Variants in MGMT observed in about 807,000 individuals in gnomAD.
MGMT encodes the protein O-6-methylguanine-DNA methyltransferase.
A neutral mutation model predicts 15.9 loss-of-function variants in MGMT; 14 were observed. The ratio of observed to expected loss-of-function variants is 0.88; its 90% CI spans 0.58 to 1.37. The LOEUF (loss-of-function observed/expected upper bound fraction) is 1.37. Among genes scored for constraint, MGMT ranks in the 40% most tolerant of loss-of-function variants. MGMT has a pLI of 0.00. For synonymous variants in MGMT, 130 were observed against 118.2 expected, an observed-to-expected ratio of 1.10 and a Z score of -0.65; for missense variants, 282 against 268.1, an observed-to-expected ratio of 1.05 and a Z score of -0.36.
At position 129,662,609 on chromosome 10, in the gene MGMT, G is replaced by A. The variant is rs982406160; in HGVS notation, c.126-45286G>A. Among the ~76,000 whole-genome samples, 4 of 152,144 alleles carry A rather than the reference G, an allele frequency of 2.6e-5. 1 individual carries two copies. In the South Asian group the frequency reaches 8.3e-4, roughly 32 times the overall value. ...GGAAGCTGTGTCAGGAACTGTCAGG[G>A]GGCTTAGCTGCTTCTGGAAATGAAA... is the stretch of plus-strand genomic sequence containing the variant. On this transcript the variant is annotated intron_variant, in intron 2 of 4. Coordinates refer to ENST00000651593, the MANE Select transcript of MGMT (RefSeq NM_002412.5).
At chr10:129,726,134 C>T (rs1038118630) in intron 3 of MGMT, among the ~76,000 whole-genome samples, 5 of 151,990 alleles carry the variant, frequency 3.3e-5, no homozygotes, top group South Asian at 2.1e-4. Context: ...TTCCAAGTGG[C>T]GGGGCCTCTG....
In MGMT at chr10:129,532,731, T is replaced by C. The variant is rs1845946019; in HGVS notation, c.-12-3510T>C. Among the ~76,000 whole-genome samples the C allele has an allele frequency of 6.6e-6, 1 of 152,134 alleles. No individual in the cohort carries two copies. Among genetic ancestry groups the C allele is most frequent in the Non-Finnish European group, 1.5e-5 (1 of 68,032 alleles). The stretch of plus-strand genomic sequence containing the variant: ...CCTTCCAGCCCGTCACGGTGTGTAG[T>C]GCCCAAAGCCCTGGCCGTGGCCATC... On this transcript the variant is annotated intron_variant, in intron 1 of 4. Transcript: ENST00000651593. This position sits in a 1 kb window ranked among gnomAD's most constrained non-coding sequence, Gnocchi z 5.3.
chr10:129,709,120 TCTCCAGAAG>T (rs557883890), intron 3 of MGMT, among the ~76,000 whole-genome samples: 7 of 152,260 alleles, frequency 4.6e-5, no homozygotes, highest in African/African-American at 1.7e-4. Context: ...TACAGAACTG[TCTCCAGAAG>T]GGTTCAGTGG....
intron 2 of MGMT, among the ~76,000 whole-genome samples, chr10:129,655,525 G>A (rs953450270): frequency 1.3e-5 from 2 of 152,180 alleles, no homozygotes; most frequent in Admixed American, 6.5e-5. Flanking sequence ...CCAGACCTTT[G>A]TTGTCTCCTT....
intron 3 of MGMT, among the ~76,000 whole-genome samples, chr10:129,754,267 A>G (rs1447820254): frequency 6.6e-6 from 1 of 152,174 alleles, no homozygotes; most frequent in East Asian, 1.9e-4. Flanking sequence ...CTCCCTCCTC[A>G]GTCCCCTGGA....
chr10:129,735,511 A>G (rs1207409609), intron 3 of MGMT, among the ~76,000 whole-genome samples: 1 of 151,494 alleles, frequency 6.6e-6, no homozygotes, highest in Non-Finnish European at 1.5e-5. Flanking sequence ...CAAAAAGCCA[A>G]CTCCTGGATT....
At chr10:129,514,622 G>A (rs1157971164) in intron 1 of MGMT, among the ~76,000 whole-genome samples, 4 of 151,772 alleles carry the variant, frequency 2.6e-5, no homozygotes, top group Non-Finnish European at 5.9e-5. Flanking sequence ...AACCTCGCCC[G>A]TAAGTTGTTG....
At position 129,556,628 on chromosome 10, in the gene MGMT, C is replaced by T. The variant is rs1037347200; in HGVS notation, c.125+20251C>T. Among the ~76,000 whole-genome samples the T allele has an allele frequency of 1.2e-4, 18 of 152,190 alleles. No individual in the cohort carries two copies. The highest frequency in any genetic ancestry group is 2.9e-4 in the African/African-American group (12 of 41,452). ...CGGGAACGTCCTGCTGTAGAAGAGG[C>T]GCCGCCATCCCAGACAGTGTTCATA... On this transcript the variant is annotated intron_variant, in intron 2 of 4. Transcript: ENST00000651593. The surrounding 1 kb of genome is among the most constrained non-coding windows in gnomAD (Gnocchi z 4.3).
rs762670004 is a variant in MGMT, at chr10:129,768,299, C to G, written c.*1302C>G. On this transcript the variant is annotated 3_prime_UTR_variant, in exon 5 of 5. Transcript: ENST00000651593. ...CCCTTTCTGGCATCAGCCAAAATCT[C>G]GGTTTTTCCTATGACATGAAGTGAT... Among the ~76,000 whole-genome samples, 1 of 152,242 alleles carries G rather than the reference C, an allele frequency of 6.6e-6. No individual in the cohort carries two copies. The highest frequency in any genetic ancestry group is 1.5e-5 in the Non-Finnish European group (1 of 68,048).
chr10:129,612,710 C>G (rs773271018), intron 2 of MGMT, among the ~76,000 whole-genome samples: 15 of 152,324 alleles, frequency 9.8e-5, no homozygotes, highest in Non-Finnish European at 1.6e-4. Flanking sequence ...AGCACTTAAC[C>G]AGGGCACTGT....
chr10:129,742,944 C>T (rs914256136), intron 3 of MGMT, among the ~76,000 whole-genome samples: 3 of 152,232 alleles, frequency 2.0e-5, no homozygotes, highest in Admixed American at 6.5e-5. Context: ...AGAGCCAGGT[C>T]ATCAGGGCCG....
intron 2 of MGMT, among the ~76,000 whole-genome samples, chr10:129,617,791 TG>T (rs2133073236): frequency 6.6e-6 from 1 of 152,340 alleles, no homozygotes; most frequent in African/African-American, 2.4e-5. Flanking sequence ...GATTGTTTTT[TG>T]CTTGTTAATT....
At chr10:129,561,224 A>G (rs1233565663) in intron 2 of MGMT, among the ~76,000 whole-genome samples, 2 of 152,286 alleles carry the variant, frequency 1.3e-5, no homozygotes, top group African/African-American at 4.8e-5. Flanking sequence ...ACTACTTTCT[A>G]TACAAGAGAG....
intron 3 of MGMT, among the ~76,000 whole-genome samples, chr10:129,739,963 G>T (rs1848611865): frequency 6.6e-6 from 1 of 152,208 alleles, no homozygotes. Context: ...GAAATGTAAG[G>T]TCGTGTGGCC....
intron 2 of MGMT, among the ~76,000 whole-genome samples, chr10:129,675,159 T>G (rs1847770205): frequency 6.6e-6 from 1 of 152,170 alleles, no homozygotes; most frequent in Non-Finnish European, 1.5e-5. Context: ...AGGACCCAGC[T>G]GAGGGCCAGG....
At chr10:129,519,352 A>G (rs755193220) in intron 1 of MGMT, among the ~76,000 whole-genome samples, 1 of 152,244 alleles carries the variant, frequency 6.6e-6, no homozygotes, top group Non-Finnish European at 1.5e-5. Context: ...AGTAAAAGGT[A>G]TAGAATTATA....
intron 2 of MGMT, among the ~76,000 whole-genome samples, chr10:129,652,615 G>GT (rs1432527307): frequency 6.6e-6 from 1 of 152,220 alleles, no homozygotes; most frequent in Non-Finnish European, 1.5e-5. Flanking sequence ...ACCTGACACG[G>GT]TGCTGTCCCC....
intron 2 of MGMT, among the ~76,000 whole-genome samples, chr10:129,699,340 T>C (rs1302307415): frequency 2.0e-5 from 3 of 151,922 alleles, no homozygotes; most frequent in African/African-American, 7.3e-5. Context: ...TTACATAAAG[T>C]GTTCTCTGTA....
intron 2 of MGMT, among the ~76,000 whole-genome samples, chr10:129,658,513 C>T (rs117158326): frequency 6.6e-6 from 1 of 152,094 alleles, no homozygotes; most frequent in African/African-American, 2.4e-5. Context: ...TGAAATCTTG[C>T]TTTGAAAGTC....
Sources: gnomAD v4.1 joint callset for allele counts (sites outside exome capture counted in the v4.1 genomes callset) on GRCh38, gnomAD v4.1.1 for gene constraint, Gnocchi (gnomAD v3.1) non-coding constraint, MANE v1.5 for transcripts, NCBI Gene and HGNC (gene_info 2026-07-23, HGNC 2026-07-21) for gene names.